Variants in C12orf42 observed in about 807,000 individuals in gnomAD.
The protein encoded by C12orf42 is chromosome 12 open reading frame 42.
A neutral mutation model predicts 21.6 loss-of-function variants in C12orf42; 25 were observed. That is an observed-to-expected ratio of 1.16 (90% CI 0.84 to 1.62). The LOEUF is 1.62. C12orf42 is among the 40% of genes most tolerant of loss of function. The pLI, the probability that C12orf42 is intolerant of heterozygous loss-of-function variation, is 0.00. For missense variants in C12orf42, 483 were observed against 459.3 expected (o/e 1.05, Z -0.47); for synonymous variants, 174 against 175.0 (o/e 0.99, Z 0.05).
At chr12:103,451,735 G>A (rs910655783) in intron 2 of C12orf42, among the ~76,000 whole-genome samples, 5 of 151,948 alleles carry the variant, frequency 3.3e-5, no homozygotes, top group African/African-American at 1.2e-4. Flanking sequence ...GTTAATTCAG[G>A]CAATAGTATT....
the C12orf42 span, among the ~76,000 whole-genome samples, chr12:103,532,931 C>T: frequency 9.2e-5 from 14 of 152,164 alleles, no homozygotes; most frequent in East Asian, 9.6e-4. Flanking sequence ...AGGTGAAGCG[C>T]GGATCACGGA....
chr12:103,494,797 G>A (rs1037016207), intron 1 of C12orf42, among the ~76,000 whole-genome samples: 1 of 152,118 alleles, frequency 6.6e-6, no homozygotes, highest in African/African-American at 2.4e-5. Flanking sequence ...GCCTCAATTT[G>A]CCACACAGCG....
the C12orf42 span, among the ~76,000 whole-genome samples, chr12:103,561,540 A>G: frequency 1.4e-4 from 21 of 152,212 alleles, no homozygotes; most frequent in Middle Eastern, 0.01. Flanking sequence ...TCTCACTAAT[A>G]AGGACTTCGC....
chr12:103,340,642 A>C (rs2042079937), intron 4 of C12orf42, among the ~76,000 whole-genome samples: 1 of 152,164 alleles, frequency 6.6e-6, no homozygotes, highest in South Asian at 2.1e-4. Flanking sequence ...GCAAAGGAGC[A>C]AAGACATTAA....
the C12orf42 span, among the ~76,000 whole-genome samples, chr12:103,053,212 A>C: frequency 6.6e-6 from 1 of 151,914 alleles, no homozygotes. Flanking sequence ...ATGCAATTGT[A>C]AGAGACACTA....
At chr12:103,256,864 C>T (rs1279529669) in intron 10 of C12orf42, among the ~76,000 whole-genome samples, 1 of 152,164 alleles carries the variant, frequency 6.6e-6, no homozygotes, top group African/African-American at 2.4e-5. Flanking sequence ...AAAATTTACA[C>T]TCCTACAAGC....
In C12orf42 at chr12:103,302,452, TCTC is replaced by T. The variant is rs772572530; in HGVS notation, c.736_738del (p.Glu246del). The T allele has an allele frequency of 6.2e-6, 10 of 1,613,628 alleles. No individual in the cohort carries two copies. In the South Asian group the frequency reaches 9.9e-5, roughly 16 times the overall value. On this transcript the variant is annotated inframe_deletion, in exon 6 of 6. Transcript: ENST00000548883. Reference sequence around the variant, plus strand: ...TGAGCGCCTGCTGGGACTGCCATCCTCTCCTCCGGCTCGAGCTCTGTGTTACTC... The same window carrying T: ...TGAGCGCCTGCTGGGACTGCCATCCTCTCCGGCTCGAGCTCTGTGTTACTC...
the C12orf42 span, among the ~76,000 whole-genome samples, chr12:103,186,093 G>T: frequency 6.6e-6 from 1 of 152,046 alleles, no homozygotes; most frequent in East Asian, 1.9e-4. Flanking sequence ...TTACAGCTCT[G>T]GACATACAAA....
chr12:103,111,218 A>C, the C12orf42 span, among the ~76,000 whole-genome samples: 4 of 152,224 alleles, frequency 2.6e-5, no homozygotes, highest in Admixed American at 6.5e-5. Context: ...GTAAAAAAAA[A>C]CACTTGTTCT....
intron 10 of C12orf42, among the ~76,000 whole-genome samples, chr12:103,250,313 C>G (rs937658051): frequency 6.6e-6 from 1 of 151,984 alleles, no homozygotes; most frequent in Non-Finnish European, 1.5e-5. Flanking sequence ...CATGTTGGCT[C>G]CTTTCCTATG....
chr12:103,186,438 G>A, the C12orf42 span, among the ~76,000 whole-genome samples: 4 of 152,222 alleles, frequency 2.6e-5, no homozygotes, highest in East Asian at 5.8e-4. Flanking sequence ...TTTCATCCAC[G>A]CACTTAAAAT....
Position 103,380,711 on chromosome 12 carries a change from T to C in C12orf42, c.148-11713A>G, listed in dbSNP as rs567550481. On this transcript the variant is annotated intron_variant, in intron 3 of 5. Coordinates refer to ENST00000548883, the MANE Select transcript of C12orf42 (RefSeq NM_198521.5). ...AGTATATGTTTTATTTAAAAGTACA[T>C]TTTATTTTCTTGCTTATTATAAACT... 3.5e-4 allele frequency among the ~76,000 whole-genome samples: 54 copies of C among 152,330 alleles called. 2 individuals carry two copies. The South Asian group carries it at 0.011, about 30-fold the overall frequency.
chr12:103,168,761 A>G, the C12orf42 span, among the ~76,000 whole-genome samples: 1 of 152,196 alleles, frequency 6.6e-6, no homozygotes, highest in Non-Finnish European at 1.5e-5. Context: ...GAATCAACCC[A>G]AATGCTCTTC....
At chr12:103,160,965 C>A in the C12orf42 span, among the ~76,000 whole-genome samples, 2 of 152,170 alleles carry the variant, frequency 1.3e-5, no homozygotes, top group Non-Finnish European at 2.9e-5. Context: ...GTAGAAATAA[C>A]CCTTATTGAG....
intron 4 of C12orf42, among the ~76,000 whole-genome samples, chr12:103,326,562 C>A (rs190891040): frequency 1.3e-5 from 2 of 152,182 alleles, no homozygotes; most frequent in Admixed American, 6.5e-5. Flanking sequence ...CTTTTGCACT[C>A]CACTCCAGCC....
intron 4 of C12orf42, among the ~76,000 whole-genome samples, chr12:103,352,807 T>C (rs1418137425): frequency 1.3e-5 from 2 of 152,144 alleles, no homozygotes; most frequent in African/African-American, 4.8e-5. Flanking sequence ...GACTATGCCA[T>C]AGGATTTTTT....
chr12:103,112,620 C>T, the C12orf42 span, among the ~76,000 whole-genome samples: 1 of 152,122 alleles, frequency 6.6e-6, no homozygotes, highest in Admixed American at 6.5e-5. Context: ...GAGACTGTGC[C>T]ACTGCATTCC....
the C12orf42 span, among the ~76,000 whole-genome samples, chr12:103,523,557 A>ATG: frequency 6.6e-6 from 1 of 151,438 alleles, no homozygotes; most frequent in South Asian, 2.1e-4. Flanking sequence ...GTCTCTATAT[A>ATG]TGTATATATA....
At chr12:103,391,468 G>A (rs2047073401) in intron 3 of C12orf42, among the ~76,000 whole-genome samples, 1 of 151,980 alleles carries the variant, frequency 6.6e-6, no homozygotes, top group Non-Finnish European at 1.5e-5. Context: ...ATTATGATGG[G>A]TATAAAGTGA....
Sources: gnomAD v4.1 joint callset for allele counts (sites outside exome capture counted in the v4.1 genomes callset) on GRCh38, gnomAD v4.1.1 for gene constraint, MANE v1.5 for transcripts, NCBI Gene and HGNC (gene_info 2026-07-23, HGNC 2026-07-21) for gene names.